The following CAMSAP3 variants were observed in gnomAD, a reference collection of about 807,000 sequenced individuals.
The protein encoded by CAMSAP3 is calmodulin regulated spectrin associated protein family member 3.
Under a neutral mutation model 112.5 loss-of-function variants are expected in CAMSAP3, and 34 were observed. The ratio of observed to expected loss-of-function variants is 0.30; its 90% confidence interval spans 0.23 to 0.40. CAMSAP3 has a LOEUF of 0.40. Ranked by LOEUF, CAMSAP3 falls within the 10% of genes least tolerant of loss-of-function variation. CAMSAP3 has a pLI of 1.00. For missense variants in CAMSAP3, 1,602 were observed against 1,770.3 expected (o/e 0.90, Z 1.71); for synonymous variants, 868 against 799.8 (o/e 1.09, Z -1.44).
In CAMSAP3 at chr19:7,595,996, C is replaced by T; in HGVS notation, c.-7C>T. ...GCGGACCCGGCGCCCGCAGCCCCGG[C>T]GCCGCCATGGTGGAGGCGGCGCCCC... On this transcript the variant is annotated 5_prime_UTR_variant, in exon 1 of 17. Transcript: ENST00000160298. 9.2e-7 allele frequency: 1 copy of T among 1,089,788 alleles called. No individual in the cohort carries two copies. Among genetic ancestry groups the T allele is most frequent in the South Asian group, 2.6e-5 (1 of 38,382 alleles). The allele number at this position is 1,089,788 out of a possible 1,614,324, so 67.5% of individuals were successfully genotyped here. A position where few individuals can be genotyped will look rare whatever the true frequency, so the allele number is the denominator to read the frequency against.
chr19:7,614,663 C>T (rs749904297), intron 11 of CAMSAP3: 25 of 167,346 alleles, frequency 1.5e-4, no homozygotes, highest in African/African-American at 5.3e-4. Flanking sequence ...CTTAGTCCTG[C>T]GCCACTGTCC....
At chr19:7,597,561 G>A (rs1420986686) in intron 1 of CAMSAP3, among the ~76,000 whole-genome samples, 2 of 152,186 alleles carry the variant, frequency 1.3e-5, no homozygotes, top group Non-Finnish European at 2.9e-5. Flanking sequence ...TGGGGCAGGG[G>A]CACTTGCTAT....
rs1018977862 is a variant in CAMSAP3, at chr19:7,614,478, C to T, written c.2671-705C>T. 4.6e-5 allele frequency among the ~76,000 whole-genome samples: 7 copies of T among 151,504 alleles called. No individual in the cohort carries two copies. The East Asian group carries it at 1.4e-3, about 30-fold the overall frequency. ...TCTCTTGTCTCACCCTCCTGAGTAG[C>T]TGGGACTACAAGAGCATGCCACCAC... On this transcript the variant is annotated intron_variant, in intron 11 of 16. Coordinates refer to ENST00000160298, the MANE Select transcript of CAMSAP3 (RefSeq NM_020902.2).
Position 7,607,738 on chromosome 19 carries a change from AC to A in CAMSAP3, c.622-383del, listed in dbSNP as rs2030289368. Reference sequence around the variant, plus strand: ...GGGGCTCAGGACCAGGGTCAGGGCTACCCCCTCCCCCCCAAGGTGGGCTTGG... The same window carrying A: ...GGGGCTCAGGACCAGGGTCAGGGCTACCCCTCCCCCCCAAGGTGGGCTTGG... On this transcript the variant is annotated intron_variant, in intron 4 of 16. Coordinates refer to ENST00000160298, the MANE Select transcript of CAMSAP3 (RefSeq NM_020902.2). The surrounding 1 kb of genome is among the most constrained non-coding windows in gnomAD (Gnocchi z 4.9). The A allele has an allele frequency of 7.3e-6, 4 of 544,834 alleles. No homozygotes were observed. The highest frequency in any genetic ancestry group is 5.2e-5 in the South Asian group (2 of 38,156). 33.7% of individuals were successfully genotyped at this position (544,834 alleles called of 1,614,324 possible). A position where few individuals can be genotyped will look rare whatever the true frequency, so the allele number is the denominator to read the frequency against.
intron 1 of CAMSAP3, among the ~76,000 whole-genome samples, chr19:7,602,071 A>G (rs532115752): frequency 6.6e-6 from 1 of 152,106 alleles, no homozygotes; most frequent in Admixed American, 6.5e-5. Context: ...CAAAAAAAAA[A>G]GGAAAGAAAA....
intron 1 of CAMSAP3, among the ~76,000 whole-genome samples, chr19:7,603,804 G>A (rs1352452952): frequency 2.0e-5 from 3 of 152,040 alleles, no homozygotes; most frequent in African/African-American, 7.2e-5. Flanking sequence ...AGCCATGATC[G>A]TGCCACTGCA....
At position 7,612,541 on chromosome 19, in the gene CAMSAP3, C is replaced by T. The variant is rs2030555370; in HGVS notation, c.2048C>T (p.Thr683Ile). Reference protein sequence around the residue: ...GEPTSRPKAVTFSPDLGPVPH... With the variant: ...GEPTSRPKAVIFSPDLGPVPH... Reference sequence around the variant, plus strand: ...CCAACCTCACGGCCCAAGGCAGTGACCTTCTCGCCAGACCTGGGCCCGGTG... The same window carrying T: ...CCAACCTCACGGCCCAAGGCAGTGATCTTCTCGCCAGACCTGGGCCCGGTG... Residue 683 changes from threonine (T) to isoleucine (I), a missense_variant, in exon 11 of 17, where the codon ACC becomes ATC. Thr to Ile is a moderately conservative substitution (Grantham distance 89). Around this residue, in one of 6 missense-constraint regions of CAMSAP3, gnomAD observed 1,100 missense variants for 1,135.7 expected, o/e 0.97. Coordinates refer to ENST00000160298, the MANE Select transcript of CAMSAP3 (RefSeq NM_020902.2). 2.0e-6 allele frequency: 3 copies of T among 1,536,904 alleles called. No individual in the cohort carries two copies. Among genetic ancestry groups the T allele is most frequent in the Non-Finnish European group, 8.7e-7 (1 of 1,145,630 alleles).
chr19:7,612,376 A>G lies in CAMSAP3; in HGVS notation c.1883A>G (p.His628Arg). ...KRRIEAIFAK[H>R]RQRLGKSAFL... ...CGGATTGAGGCCATATTCGCCAAGCACCGCCAGCGGCTGGGCAAAAGCGCC... is the reference window on the plus strand; with the variant it reads ...CGGATTGAGGCCATATTCGCCAAGCGCCGCCAGCGGCTGGGCAAAAGCGCC... Residue 628 changes from histidine to arginine, a missense_variant, in exon 11 of 17, where the codon CAC (histidine) becomes CGC (arginine). By Grantham distance (29) the His-to-Arg change is conservative. Around this residue, in one of 6 missense-constraint regions of CAMSAP3, gnomAD observed 1,100 missense variants for 1,135.7 expected, o/e 0.97. Coordinates refer to ENST00000160298, the MANE Select transcript of CAMSAP3 (RefSeq NM_020902.2). 1.9e-6 allele frequency: 3 copies of G among 1,599,108 alleles called. No individual in the cohort carries two copies. The highest frequency in any genetic ancestry group is 2.6e-6 in the Non-Finnish European group (3 of 1,175,842).
chr19:7,603,965 G>A (rs1479137374), intron 1 of CAMSAP3, among the ~76,000 whole-genome samples: 1 of 152,098 alleles, frequency 6.6e-6, no homozygotes, highest in Non-Finnish European at 1.5e-5. Context: ...TGATAACCCT[G>A]TTTCTACAAC....
At chr19:7,604,308 C>G (rs2030099558) in intron 1 of CAMSAP3, among the ~76,000 whole-genome samples, 1 of 152,050 alleles carries the variant, frequency 6.6e-6, no homozygotes, top group Non-Finnish European at 1.5e-5. Context: ...CTTCCTCACG[C>G]CTCTTCCCAT....
At position 7,617,910 on chromosome 19, in the gene CAMSAP3, CTACAAG is replaced by C. The variant is rs2030899112; in HGVS notation, c.3609_3614del (p.Lys1203_Tyr1204del). The C allele has an allele frequency of 1.9e-6, 3 of 1,614,012 alleles. No individual in the cohort carries two copies. Among genetic ancestry groups the C allele is most frequent in the South Asian group, 1.1e-5 (1 of 91,092 alleles). On this transcript the variant is annotated inframe_deletion, in exon 17 of 17. Coordinates refer to ENST00000160298, the MANE Select transcript of CAMSAP3 (RefSeq NM_020902.2). This position sits in a 1 kb window ranked among gnomAD's most constrained non-coding sequence, Gnocchi z 7.5. ...TCACGCCCGCCATGGTGGAAGGCAT[CTACAAG>C]TACAACTCGGACCGCAAGCGCTTCA...
At chr19:7,597,532 T>A (rs560745299) in intron 1 of CAMSAP3, among the ~76,000 whole-genome samples, 18 of 152,182 alleles carry the variant, frequency 1.2e-4, no homozygotes, top group African/African-American at 3.6e-4. Context: ...CACAGACTTA[T>A]CTGTTTTGCG....
At chr19:7,613,627 G>A (rs1472892956) in intron 11 of CAMSAP3, among the ~76,000 whole-genome samples, 28 of 151,884 alleles carry the variant, frequency 1.8e-4, no homozygotes, top group Admixed American at 1.8e-3. Flanking sequence ...ATAGATGTGG[G>A]GAGGGGTGGA....
At chr19:7,605,146 T>G (rs951595308) in intron 1 of CAMSAP3, 80 bp from the exon 2 acceptor site, 10 of 397,112 alleles carry the variant, frequency 2.5e-5, no homozygotes, top group Non-Finnish European at 2.8e-5. Flanking sequence ...CCGGGCCATG[T>G]GGTGTGTGTG....
chr19:7,611,899 C>T lies in CAMSAP3; in HGVS notation c.1406C>T (p.Ala469Val), dbSNP rs757137134. 1.3e-4 allele frequency: 208 copies of T among 1,576,912 alleles called. No homozygotes were observed. The highest frequency in any genetic ancestry group is 1.7e-4 in the Non-Finnish European group (197 of 1,159,132). ...GAAGCTCTGCAGATCATCCACAGTGCCGAGCCCCGGCTCCTCCCAGATGGG... is the reference window on the plus strand; with the variant it reads ...GAAGCTCTGCAGATCATCCACAGTGTCGAGCCCCGGCTCCTCCCAGATGGG... ...IEEALQIIHS[A>V]EPRLLPDGAA... Residue 469 changes from alanine to valine, a missense_variant, in exon 11 of 17, where the codon GCC becomes GTC. Physicochemically the swap from Ala to Val is moderately conservative, Grantham distance 64. Coordinates refer to ENST00000160298, the MANE Select transcript of CAMSAP3 (RefSeq NM_020902.2). This position sits in a 1 kb window ranked among gnomAD's most constrained non-coding sequence, Gnocchi z 6.9.
rs1236953621 is a variant in CAMSAP3, at chr19:7,611,875, A to C, written c.1382A>C (p.Glu461Ala). Residue 461 changes from glutamate to alanine, a missense_variant, in exon 11 of 17, where the codon GAA becomes GCA. This residue lies in a region of CAMSAP3 where 1,100 missense variants were observed against 1,135.7 expected (regional missense o/e 0.97). Transcript: ENST00000160298. This position sits in a 1 kb window ranked among gnomAD's most constrained non-coding sequence, Gnocchi z 6.9. Reference protein sequence around the residue: ...PEPGDLPTIEEALQIIHSAEP... With the variant: ...PEPGDLPTIEAALQIIHSAEP... Reference sequence around the variant, plus strand: ...CCTGGTGACCTGCCCACCATCGAGGAAGCTCTGCAGATCATCCACAGTGCC... The same window carrying C: ...CCTGGTGACCTGCCCACCATCGAGGCAGCTCTGCAGATCATCCACAGTGCC... 6.4e-7 allele frequency: 1 copy of C among 1,566,136 alleles called. No individual in the cohort carries two copies. Among genetic ancestry groups the C allele is most frequent in the Admixed American group, 1.8e-5 (1 of 54,406 alleles).
In CAMSAP3 at chr19:7,612,134, C is replaced by A. The variant is rs369275584; in HGVS notation, c.1641C>A (p.Ser547=). ...ASKPPAPSEG[S]PKAVASSPAA... ...AACCGCCAGCCCCATCCGAGGGGTC[C>A]CCGAAGGCGGTGGCTTCGTCCCCAG... Residue 547 remains serine, a synonymous_variant, in exon 11 of 17, where the codon TCC becomes TCA. Coordinates refer to ENST00000160298, the MANE Select transcript of CAMSAP3 (RefSeq NM_020902.2). The A allele has an allele frequency of 8.7e-6, 14 of 1,612,546 alleles. No homozygotes were observed. The African/African-American group carries it at 1.6e-4, about 18-fold the overall frequency.
At chr19:7,596,583 C>T (rs765481941) in intron 1 of CAMSAP3, among the ~76,000 whole-genome samples, 10 of 152,160 alleles carry the variant, frequency 6.6e-5, no homozygotes, top group Non-Finnish European at 1.3e-4. Flanking sequence ...CCCCGCCACA[C>T]ACCCTGGAGA....
intron 11 of CAMSAP3, 187 bp from the exon 12 acceptor site, chr19:7,614,996 C>A (rs1023833816): frequency 1.5e-6 from 1 of 681,986 alleles, no homozygotes; most frequent in Non-Finnish European, 2.6e-6. Context: ...CCCAGTGTAT[C>A]CCATCCCTGT....
Sources: gnomAD v4.1 joint callset for allele counts (sites outside exome capture counted in the v4.1 genomes callset) on GRCh38, gnomAD v4.1.1 for gene constraint, gnomAD v4.1.1 regional missense constraint, Gnocchi (gnomAD v3.1) non-coding constraint, MANE v1.5 for transcripts, NCBI Gene and HGNC (gene_info 2026-07-23, HGNC 2026-07-21) for gene names.